The following SEMA3A variants were observed in gnomAD, a reference collection of about 807,000 sequenced individuals.
The protein encoded by SEMA3A is semaphorin-3A.
In SEMA3A, 29 loss-of-function variants were observed where a neutral mutation model predicts 97.9. The observed-to-expected ratio is 0.30, with a 90% CI of 0.22 to 0.40. The LOEUF (loss-of-function observed/expected upper bound fraction) is 0.40. SEMA3A is among the 10% of genes least tolerant of loss of function. The pLI, the probability that SEMA3A is intolerant of heterozygous loss-of-function variation, is 1.00. For synonymous variants in SEMA3A, 321 were observed against 323.7 expected (o/e 0.99, Z 0.09); for missense variants, 763 against 951.3 (o/e 0.80, Z 2.60).
At chr7:83,997,468 T>C (rs750652001) in intron 12 of SEMA3A, among the ~76,000 whole-genome samples, 2 of 152,204 alleles carry the variant, frequency 1.3e-5, no homozygotes, top group Non-Finnish European at 2.9e-5. Flanking sequence ...ACAATATATG[T>C]ATGAACTTTG....
At chr7:84,398,537 T>C (rs570448907) in intron 1 of SEMA3A, among the ~76,000 whole-genome samples, 1 of 152,318 alleles carries the variant, frequency 6.6e-6, no homozygotes, top group South Asian at 2.1e-4. Flanking sequence ...GCAGAAGGAC[T>C]GCTTGAGACC....
chr7:84,150,079 T>A (rs897513152), intron 1 of SEMA3A, among the ~76,000 whole-genome samples: 1 of 152,224 alleles, frequency 6.6e-6, no homozygotes, highest in African/African-American at 2.4e-5. Context: ...TAATCAGTTT[T>A]GGATTGAATA....
chr7:83,978,015 G>A (rs1471348074), intron 14 of SEMA3A, among the ~76,000 whole-genome samples: 1 of 151,926 alleles, frequency 6.6e-6, no homozygotes, highest in Non-Finnish European at 1.5e-5. Flanking sequence ...GTGTTAGCCA[G>A]GATGGTCTCG....
chr7:84,057,795 CTG>C (rs1431237618), intron 5 of SEMA3A, among the ~76,000 whole-genome samples: 2 of 133,616 alleles, frequency 1.5e-5, no homozygotes, highest in African/African-American at 5.7e-5. Flanking sequence ...TAAATAAAGA[CTG>C]GAGCAAATTC....
At chr7:84,226,690 G>C (rs1023494685) in intron 3 of SEMA3A, among the ~76,000 whole-genome samples, 3 of 151,956 alleles carry the variant, frequency 2.0e-5, no homozygotes, top group Admixed American at 2.0e-4. Flanking sequence ...CAATCTTTCT[G>C]TATTTTCTAT....
At position 84,110,438 on chromosome 7, in the gene SEMA3A, G is replaced by A. The variant is rs754629748; in HGVS notation, c.453+32C>T. ...GCATTTTGAATAGAAAGGGGTCATG[G>A]ACAAATATAATTTTTAAAAAGCCAG... On this transcript the variant is annotated intron_variant, in intron 4 of 16. Transcript: ENST00000265362. 5 of 1,611,566 alleles carry A rather than the reference G, an allele frequency of 3.1e-6. No individual in the cohort carries two copies. In the East Asian group the frequency reaches 8.9e-5, roughly 29 times the overall value.
At chr7:84,137,765 G>T (rs1423048412) in intron 1 of SEMA3A, among the ~76,000 whole-genome samples, 1 of 150,352 alleles carries the variant, frequency 6.7e-6, no homozygotes, top group Non-Finnish European at 1.5e-5. Flanking sequence ...CAATGAAAGG[G>T]CCATGTAAGA....
intron 3 of SEMA3A, among the ~76,000 whole-genome samples, chr7:84,266,838 T>C (rs1196556912): frequency 6.6e-6 from 1 of 152,118 alleles, no homozygotes; most frequent in Non-Finnish European, 1.5e-5. Context: ...TACCTAATCA[T>C]TGGTGTGTCT....
At chr7:84,462,906 G>C (rs1805886007) in intron 1 of SEMA3A, among the ~76,000 whole-genome samples, 1 of 152,104 alleles carries the variant, frequency 6.6e-6, no homozygotes, top group Non-Finnish European at 1.5e-5. Context: ...TCTCTTTCCA[G>C]GGAGAAACAT....
chr7:84,268,421 G>T (rs1422716249), intron 3 of SEMA3A, among the ~76,000 whole-genome samples: 1 of 151,982 alleles, frequency 6.6e-6, no homozygotes. Flanking sequence ...GTCTGCAGTA[G>T]AGAAGAGTAA....
chr7:84,362,946 A>G (rs1802762310), intron 2 of SEMA3A, among the ~76,000 whole-genome samples: 1 of 151,984 alleles, frequency 6.6e-6, no homozygotes, highest in Non-Finnish European at 1.5e-5. Flanking sequence ...GAAATATGCT[A>G]CAGATCTAAT....
At chr7:84,446,683 G>A (rs1283180650) in intron 1 of SEMA3A, among the ~76,000 whole-genome samples, 1 of 152,074 alleles carries the variant, frequency 6.6e-6, no homozygotes, top group Middle Eastern at 3.2e-3. Flanking sequence ...ATATATGAAA[G>A]CACTCAAGGA....
chr7:84,391,753 C>A (rs757759357), intron 1 of SEMA3A, among the ~76,000 whole-genome samples: 1 of 152,110 alleles, frequency 6.6e-6, no homozygotes, highest in South Asian at 2.1e-4. Flanking sequence ...GGGAAGATTG[C>A]TGAGTCCAGG....
chr7:84,226,708 G>A (rs1382573741), intron 3 of SEMA3A, among the ~76,000 whole-genome samples: 4 of 151,918 alleles, frequency 2.6e-5, no homozygotes, highest in African/African-American at 7.3e-5. Flanking sequence ...TATTCACATA[G>A]CTATGTTCTA....
intron 1 of SEMA3A, among the ~76,000 whole-genome samples, chr7:84,169,391 A>T: frequency 6.6e-6 from 1 of 150,998 alleles, no homozygotes; most frequent in East Asian, 1.9e-4. Flanking sequence ...CTATTGTAAA[A>T]TTTGAATAGT....
intron 5 of SEMA3A, among the ~76,000 whole-genome samples, chr7:84,051,100 T>C: frequency 6.6e-6 from 1 of 150,872 alleles, no homozygotes; most frequent in Non-Finnish European, 1.5e-5. Flanking sequence ...CCATGCTGTT[T>C]TGGTTACTGT....
At chr7:84,320,856 T>G (rs927877700) in intron 2 of SEMA3A, among the ~76,000 whole-genome samples, 1 of 152,154 alleles carries the variant, frequency 6.6e-6, no homozygotes, top group African/African-American at 2.4e-5. Context: ...CCTTCCTTCT[T>G]TCTTTAGTAA....
intron 9 of SEMA3A, among the ~76,000 whole-genome samples, chr7:84,008,086 CAGTT>C (rs1453832944): frequency 1.3e-5 from 2 of 152,276 alleles, no homozygotes; most frequent in Non-Finnish European, 2.9e-5. Context: ...CTATTTCACT[CAGTT>C]AAAGTGGAGA....
At chr7:83,980,623 A>AAAAATATATAT (rs1310318006) in intron 14 of SEMA3A, among the ~76,000 whole-genome samples, 20 of 71,754 alleles carry the variant, frequency 2.8e-4, no homozygotes, top group African/African-American at 1.0e-3. Flanking sequence ...AAAAAAAAAA[A>AAAAATATATAT]ATATATATAT....
Sources: allele counts gnomAD v4.1 joint callset (sites outside exome capture counted in the v4.1 genomes callset), GRCh38; gene constraint gnomAD v4.1.1; transcripts MANE v1.5; gene names NCBI Gene and HGNC (gene_info 2026-07-23, HGNC 2026-07-21).